The following PPP2R5E variants were observed in gnomAD, a reference collection of about 807,000 sequenced individuals.
PPP2R5E encodes the protein serine/threonine-protein phosphatase 2A 56 kDa regulatory subunit epsilon isoform.
A neutral mutation model predicts 65.3 loss-of-function variants in PPP2R5E; 4 were observed. The observed-to-expected ratio is 0.06, with a 90% CI of 0.03 to 0.14. PPP2R5E has a LOEUF of 0.14. Ranked by LOEUF, PPP2R5E falls within the 10% of genes least tolerant of loss-of-function variation. The pLI is 1.00. For synonymous variants in PPP2R5E, 183 were observed against 187.4 expected (o/e 0.98, Z 0.19); for missense variants, 274 against 556.1 (o/e 0.49, Z 5.10).
At chr14:63,502,832 A>C (rs1352724000) in intron 2 of PPP2R5E, among the ~76,000 whole-genome samples, 1 of 152,216 alleles carries the variant, frequency 6.6e-6, no homozygotes, top group East Asian at 1.9e-4. Flanking sequence ...AAATATAGTA[A>C]TAGTCAATAA....
rs574228609 is a variant in PPP2R5E at position 63,498,421 on chromosome 14, T to C, written c.157+41108A>G. Among the ~76,000 whole-genome samples the C allele has an allele frequency of 2.0e-5, 3 of 152,248 alleles. No individual in the cohort carries two copies. In the East Asian group the frequency reaches 5.9e-4, roughly 30 times the overall value. On this transcript the variant is annotated intron_variant, in intron 2 of 13. Coordinates refer to ENST00000337537, the MANE Select transcript of PPP2R5E (RefSeq NM_006246.5). ...AGTCTACATCATGCTTTGCTTGACA[T>C]GGTTTTAGAAAAGGATGTTTTTCAA... is the stretch of plus-strand genomic sequence containing the variant.
At chr14:63,515,880 T>G (rs1339463748) in intron 2 of PPP2R5E, among the ~76,000 whole-genome samples, 1 of 149,646 alleles carries the variant, frequency 6.7e-6, no homozygotes, top group African/African-American at 2.5e-5. Context: ...GACAGAGTCT[T>G]GCTCTGTCGC....
intron 3 of PPP2R5E, among the ~76,000 whole-genome samples, chr14:63,445,583 G>A (rs1048417409): frequency 2.0e-5 from 3 of 152,100 alleles, no homozygotes; most frequent in Non-Finnish European, 2.9e-5. Flanking sequence ...GTGGTCTCAC[G>A]CCTGTAATCC....
At position 63,468,001 on chromosome 14, in the gene PPP2R5E, C is replaced by A. The variant is rs553276951; in HGVS notation, c.158-14116G>T. ...GGGTATAATAACAGCACCTACCCCA[C>A]AGAGTTTACTTAAGAATTAAGTGAG... On this transcript the variant is annotated intron_variant, in intron 2 of 13. Transcript: ENST00000337537. Among the ~76,000 whole-genome samples, 5 of 152,354 alleles carry A rather than the reference C, an allele frequency of 3.3e-5. 1 individual carries two copies. The highest frequency in any genetic ancestry group is 3.3e-4 in the Admixed American group (5 of 15,310).
In PPP2R5E at chr14:63,375,159, AG is replaced by A; in HGVS notation, c.*849del. 6.5e-6 allele frequency: 1 copy of A among 152,694 alleles called. No homozygotes were observed. Among genetic ancestry groups the A allele is most frequent in the South Asian group, 2.1e-4 (1 of 4,824 alleles). The allele number at this position is 152,694 out of a possible 1,614,324, so 9.5% of individuals were successfully genotyped here. A position where few individuals can be genotyped will look rare whatever the true frequency, so the allele number is the denominator to read the frequency against. On this transcript the variant is annotated 3_prime_UTR_variant, in exon 14 of 14. Coordinates refer to ENST00000337537, the MANE Select transcript of PPP2R5E (RefSeq NM_006246.5). ...TCTTTCTTATTTCAAATGGTCCAAA[AG>A]GATGTTTTTCTCACATTTCTAAAAC...
intron 2 of PPP2R5E, among the ~76,000 whole-genome samples, chr14:63,516,550 C>T (rs1002076565): frequency 1.2e-4 from 19 of 152,326 alleles, no homozygotes; most frequent in African/African-American, 4.6e-4. Context: ...GTTTAGAAGA[C>T]TTTTAGATGC....
chr14:63,467,800 C>T (rs1262747155), intron 2 of PPP2R5E, among the ~76,000 whole-genome samples: 15 of 152,222 alleles, frequency 9.9e-5, no homozygotes. Context: ...ACTTTGAAAT[C>T]AGGGGACCTG....
chr14:63,450,387 C>T (rs181409111), intron 3 of PPP2R5E, among the ~76,000 whole-genome samples: 25 of 152,278 alleles, frequency 1.6e-4, no homozygotes, highest in Admixed American at 1.6e-3. Context: ...TAAGATAAAG[C>T]TCCAGTGTAT....
chr14:63,389,211 A>T (rs1466343098), intron 11 of PPP2R5E, among the ~76,000 whole-genome samples: 1 of 151,810 alleles, frequency 6.6e-6, no homozygotes, highest in Non-Finnish European at 1.5e-5. Context: ...TATCTAGCAT[A>T]GTAAGGAATA....
chr14:63,455,782 C>T (rs976044057), intron 2 of PPP2R5E, among the ~76,000 whole-genome samples: 1 of 152,150 alleles, frequency 6.6e-6, no homozygotes, highest in South Asian at 2.1e-4. Flanking sequence ...AGACCCCAGA[C>T]CTAGCAGCCG....
At chr14:63,396,812 A>G in intron 5 of PPP2R5E, 96 bp from the exon 6 acceptor site, 1 of 1,453,862 alleles carries the variant, frequency 6.9e-7, no homozygotes, top group Non-Finnish European at 9.4e-7. Flanking sequence ...CTTCCTCAAA[A>G]AATGTGTTGA....
chr14:63,448,846 G>A (rs891573480), intron 3 of PPP2R5E, among the ~76,000 whole-genome samples: 3 of 150,876 alleles, frequency 2.0e-5, no homozygotes, highest in Admixed American at 2.0e-4. Context: ...AAAACGAGGT[G>A]TGCATGTGAT....
At chr14:63,464,162 G>A (rs1006595588) in intron 2 of PPP2R5E, among the ~76,000 whole-genome samples, 1 of 152,128 alleles carries the variant, frequency 6.6e-6, no homozygotes, top group Non-Finnish European at 1.5e-5. Context: ...CCCACCAACA[G>A]CCAGGGACTA....
At chr14:63,541,559 G>A (rs1893905930) in intron 1 of PPP2R5E, among the ~76,000 whole-genome samples, 1 of 152,166 alleles carries the variant, frequency 6.6e-6, no homozygotes, top group Non-Finnish European at 1.5e-5. Context: ...CTTCATGCAA[G>A]ACTAATGGCA....
rs531376615 is a variant in PPP2R5E at position 63,465,787 on chromosome 14, T to G, written c.158-11902A>C. Among the ~76,000 whole-genome samples the G allele has an allele frequency of 1.4e-4, 22 of 152,324 alleles. No individual in the cohort carries two copies. In the South Asian group the frequency reaches 4.3e-3, roughly 30 times the overall value. ...AGACAAGGAGCAAATCATAAAATCCTAATTTGATAAAAAGGAATTACGGAA... is the reference window on the plus strand; with the variant it reads ...AGACAAGGAGCAAATCATAAAATCCGAATTTGATAAAAAGGAATTACGGAA... On this transcript the variant is annotated intron_variant, in intron 2 of 13. Coordinates refer to ENST00000337537, the MANE Select transcript of PPP2R5E (RefSeq NM_006246.5).
chr14:63,539,838 T>C lies in PPP2R5E; in HGVS notation c.-7-146A>G, dbSNP rs1477932595. The C allele has an allele frequency of 1.1e-5, 10 of 908,266 alleles. No individual in the cohort carries two copies. In the East Asian group the frequency reaches 3.0e-4, roughly 27 times the overall value. 56.3% of individuals were successfully genotyped at this position (908,266 alleles called of 1,614,324 possible). On this transcript the variant is annotated intron_variant, in intron 1 of 13. Coordinates refer to ENST00000337537, the MANE Select transcript of PPP2R5E (RefSeq NM_006246.5). The stretch of plus-strand genomic sequence containing the variant: ...AAATAAAATCAGTTAAGAAAAGTCT[T>C]ATCTTGGCCAGGTGCAATGGCTCAC...
At chr14:63,443,737 G>A (rs1888348436) in intron 3 of PPP2R5E, among the ~76,000 whole-genome samples, 1 of 151,902 alleles carries the variant, frequency 6.6e-6, no homozygotes. Flanking sequence ...TCCATCCAAA[G>A]CCTGCTCTCC....
intron 3 of PPP2R5E, 122 bp downstream of exon 3, chr14:63,453,567 C>G: frequency 1.1e-6 from 1 of 901,286 alleles, no homozygotes; most frequent in Non-Finnish European, 1.6e-6. Context: ...TTGCTTAGCT[C>G]TCCAAAGGTT....
intron 2 of PPP2R5E, among the ~76,000 whole-genome samples, chr14:63,478,274 T>C (rs1890507898): frequency 6.6e-6 from 1 of 152,194 alleles, no homozygotes; most frequent in Admixed American, 6.5e-5. Flanking sequence ...AGTGAAACTT[T>C]TGGTTTCACA....
Sources: gnomAD v4.1 joint callset for allele counts (sites outside exome capture counted in the v4.1 genomes callset) on GRCh38, gnomAD v4.1.1 for gene constraint, MANE v1.5 for transcripts, NCBI Gene and HGNC (gene_info 2026-07-23, HGNC 2026-07-21) for gene names.